GALNT13: variants seen among roughly 807,000 people sequenced by gnomAD.
GALNT13 encodes the protein polypeptide N-acetylgalactosaminyltransferase 13.
A neutral mutation model predicts 64.2 loss-of-function variants in GALNT13; 28 were observed. The observed-to-expected ratio is 0.44, with a 90% CI of 0.32 to 0.60. The LOEUF (loss-of-function observed/expected upper bound fraction) is 0.60, where lower values mean the gene tolerates loss of function less well. GALNT13 is among the 20% of genes least tolerant of loss of function. The pLI, the probability that GALNT13 is intolerant of heterozygous loss-of-function variation, is 0.05. For missense variants in GALNT13, 577 were observed against 669.8 expected (o/e 0.86, Z 1.53); for synonymous variants, 214 against 224.6 (o/e 0.95, Z 0.42).
At chr2:153,353,576 G>A in the GALNT13 span, among the ~76,000 whole-genome samples, 1 of 121,466 alleles carries the variant, frequency 8.2e-6, no homozygotes, top group African/African-American at 2.8e-5. Context: ...CATGGTGTTA[G>A]CTGTAGGTTT....
intron 3 of GALNT13, among the ~76,000 whole-genome samples, chr2:153,971,966 G>C (rs1693771625): frequency 6.6e-6 from 1 of 152,018 alleles, no homozygotes; most frequent in South Asian, 2.1e-4. Context: ...CCTCATAAGA[G>C]GAGAGAATGC....
the GALNT13 span, among the ~76,000 whole-genome samples, chr2:153,192,685 G>C: frequency 6.6e-6 from 1 of 152,166 alleles, no homozygotes; most frequent in South Asian, 2.1e-4. Flanking sequence ...CCAGTGATGA[G>C]TGCATTTATA....
At chr2:154,150,139 A>T (rs181851294) in intron 4 of GALNT13, among the ~76,000 whole-genome samples, 1 of 152,058 alleles carries the variant, frequency 6.6e-6, no homozygotes, top group African/African-American at 2.4e-5. Flanking sequence ...TAGCATGAAG[A>T]GTTGTTGAAT....
At chr2:153,763,980 G>T in the GALNT13 span, among the ~76,000 whole-genome samples, 1 of 152,182 alleles carries the variant, frequency 6.6e-6, no homozygotes, top group Admixed American at 6.5e-5. Flanking sequence ...AACAGAGGAA[G>T]ATGTGGGAAA....
chr2:153,902,631 A>T (rs986587209), intron 2 of GALNT13, among the ~76,000 whole-genome samples: 12 of 152,090 alleles, frequency 7.9e-5, no homozygotes, highest in African/African-American at 2.7e-4. Context: ...TGAGGGCAAG[A>T]CCTAAGGTCA....
intron 1 of GALNT13, among the ~76,000 whole-genome samples, chr2:153,896,215 C>A (rs1316504816): frequency 6.7e-6 from 1 of 149,976 alleles, no homozygotes; most frequent in Non-Finnish European, 1.5e-5. Context: ...TAAGTCCTGA[C>A]TACTTTCACT....
the GALNT13 span, among the ~76,000 whole-genome samples, chr2:153,689,998 T>C: frequency 4.6e-5 from 7 of 152,126 alleles, no homozygotes; most frequent in Admixed American, 4.6e-4. Flanking sequence ...CAATTTATGC[T>C]TCAGTATGGA....
chr2:154,335,191 AAAG>A (rs1469211793), intron 9 of GALNT13, among the ~76,000 whole-genome samples: 2 of 151,808 alleles, frequency 1.3e-5, no homozygotes, highest in African/African-American at 4.8e-5. Flanking sequence ...TGGTAGCATT[AAAG>A]AAGATTTGGG....
the GALNT13 span, among the ~76,000 whole-genome samples, chr2:153,568,515 T>A: frequency 3.3e-5 from 5 of 152,248 alleles, no homozygotes; most frequent in Admixed American, 3.3e-4. Flanking sequence ...AAATAGAAAG[T>A]ATGTTTTTTA....
chr2:153,702,281 T>C, the GALNT13 span, among the ~76,000 whole-genome samples: 10 of 151,838 alleles, frequency 6.6e-5, no homozygotes, highest in African/African-American at 9.7e-5. Flanking sequence ...CACTTAAAAG[T>C]AGGAGTTGAA....
At chr2:153,243,776 A>T in the GALNT13 span, among the ~76,000 whole-genome samples, 1 of 150,944 alleles carries the variant, frequency 6.6e-6, no homozygotes, top group African/African-American at 2.4e-5. Flanking sequence ...GGATTATTTC[A>T]TTTTTTTTTC....
At chr2:153,662,058 A>G in the GALNT13 span, among the ~76,000 whole-genome samples, 41 of 152,110 alleles carry the variant, frequency 2.7e-4, 1 homozygote, top group Admixed American at 5.9e-4. Context: ...TGTGGCATTC[A>G]TTTCCAAACT....
the GALNT13 span, among the ~76,000 whole-genome samples, chr2:153,601,580 G>T: frequency 6.6e-6 from 1 of 151,162 alleles, no homozygotes; most frequent in Admixed American, 6.6e-5. Flanking sequence ...CAGAACAAGG[G>T]CAAACTCTTT....
chr2:153,148,492 T>G, the GALNT13 span, among the ~76,000 whole-genome samples: 1 of 135,970 alleles, frequency 7.4e-6, no homozygotes, highest in Non-Finnish European at 1.6e-5. Flanking sequence ...TTTTTTTTTT[T>G]GCTAAGACTC....
intron 9 of GALNT13, among the ~76,000 whole-genome samples, chr2:154,303,255 G>T (rs1201070259): frequency 6.6e-6 from 1 of 151,972 alleles, no homozygotes; most frequent in Non-Finnish European, 1.5e-5. Context: ...AGTCGGATGC[G>T]CGCGATTTTA....
chr2:154,301,379 A>G (rs2105095914), intron 8 of GALNT13, 30 bp from the exon 9 acceptor site: 1 of 1,576,068 alleles, frequency 6.3e-7, no homozygotes. Flanking sequence ...ATATTATTGC[A>G]TTATTTACAA....
the GALNT13 span, among the ~76,000 whole-genome samples, chr2:153,784,757 C>T: frequency 9.2e-5 from 14 of 152,304 alleles, no homozygotes; most frequent in African/African-American, 2.9e-4. Context: ...CACAACACCT[C>T]GCAGGATAAG....
rs1696958237 is a variant in GALNT13 at position 154,015,712 on chromosome 2, A to G, written c.142+71073A>G. ...AAATTTAAATCACATAATAATATCT[A>G]TAGGAAGCATCTTACTGTCACATAT... On this transcript the variant is annotated intron_variant, in intron 3 of 12. Transcript: ENST00000392825. Among the ~76,000 whole-genome samples, 2 of 152,208 alleles carry G rather than the reference A, an allele frequency of 1.3e-5. 1 individual carries two copies. Among genetic ancestry groups the G allele is most frequent in the South Asian group, 4.1e-4 (2 of 4,830 alleles).
At chr2:153,960,707 C>T (rs1391800678) in intron 3 of GALNT13, among the ~76,000 whole-genome samples, 1 of 152,150 alleles carries the variant, frequency 6.6e-6, no homozygotes, top group African/African-American at 2.4e-5. Context: ...CTTCTTTTTA[C>T]CTGGCCTTTT....
Sources: gnomAD v4.1 joint callset for allele counts (sites outside exome capture counted in the v4.1 genomes callset) on GRCh38, gnomAD v4.1.1 for gene constraint, MANE v1.5 for transcripts, NCBI Gene and HGNC (gene_info 2026-07-23, HGNC 2026-07-21) for gene names.